The following TNNI3K variants were observed in gnomAD, a reference collection of about 807,000 sequenced individuals.
TNNI3K encodes the protein serine/threonine-protein kinase TNNI3K.
Under a neutral mutation model 114.5 loss-of-function variants are expected in TNNI3K, and 140 were observed. That is an observed-to-expected ratio of 1.22 (90% CI 1.07 to 1.41). The LOEUF (loss-of-function observed/expected upper bound fraction) is 1.41. Ranked by LOEUF, TNNI3K falls within the 40% of genes most tolerant of loss-of-function variation. The pLI, the probability that TNNI3K is intolerant of heterozygous loss-of-function variation, is 0.00. For missense variants in TNNI3K, 1,125 were observed against 1,007.6 expected (o/e 1.12, Z -1.58); for synonymous variants, 347 against 347.5 (o/e 1.00, Z 0.02).
chr1:74,499,663 A>G (rs745830209), intron 23 of TNNI3K, among the ~76,000 whole-genome samples: 1 of 152,088 alleles, frequency 6.6e-6, no homozygotes, highest in African/African-American at 2.4e-5. Flanking sequence ...TACAATTTTT[A>G]TACTCAGCTT....
intron 5 of TNNI3K, among the ~76,000 whole-genome samples, chr1:74,287,677 G>T (rs1304267294): frequency 2.0e-5 from 3 of 152,092 alleles, no homozygotes; most frequent in East Asian, 1.9e-4. Context: ...TTTGGGCAAT[G>T]ATTTCTTGGC....
intron 5 of TNNI3K, among the ~76,000 whole-genome samples, chr1:74,295,415 G>A (rs968820089): frequency 1.3e-5 from 2 of 151,880 alleles, no homozygotes; most frequent in African/African-American, 2.4e-5. Flanking sequence ...ACTGTTTTAC[G>A]CATTTGTTCT....
At chr1:74,516,964 T>G (rs1026973693) in intron 23 of TNNI3K, among the ~76,000 whole-genome samples, 1 of 152,160 alleles carries the variant, frequency 6.6e-6, no homozygotes, top group African/African-American at 2.4e-5. Context: ...AAAAGAAATA[T>G]TTACAGTCAT....
At chr1:74,299,031 C>T (rs1426608520) in intron 5 of TNNI3K, among the ~76,000 whole-genome samples, 1 of 152,054 alleles carries the variant, frequency 6.6e-6, no homozygotes, top group Non-Finnish European at 1.5e-5. Flanking sequence ...CTACATCACT[C>T]ATTTTAAATT....
In TNNI3K at chr1:74,316,519, T is replaced by C. The variant is rs78310796; in HGVS notation, c.445-14931T>C. On this transcript the variant is annotated intron_variant, in intron 5 of 24. Transcript: ENST00000326637. ...CCTGCCTTGGGACCTTTGACCTGCT[T>C]TTCTCTACCCGGACTTTTCTTCTTT... is the stretch of plus-strand genomic sequence containing the variant. 6.6e-5 allele frequency among the ~76,000 whole-genome samples: 10 copies of C among 152,232 alleles called. No individual in the cohort carries two copies. In the East Asian group the frequency reaches 1.9e-3, roughly 29 times the overall value.
intron 21 of TNNI3K, among the ~76,000 whole-genome samples, chr1:74,464,206 C>G (rs769716739): frequency 1.3e-5 from 2 of 152,192 alleles, no homozygotes; most frequent in African/African-American, 4.8e-5. Context: ...AGTGTGCAGA[C>G]GGGTTATGTC....
intron 5 of TNNI3K, among the ~76,000 whole-genome samples, chr1:74,314,846 T>C (rs1053705962): frequency 6.6e-6 from 1 of 152,200 alleles, no homozygotes; most frequent in African/African-American, 2.4e-5. Flanking sequence ...AAACTATAGT[T>C]TACATTTTGC....
In TNNI3K at chr1:74,343,310, G is replaced by A; in HGVS notation, c.932+131G>A. 3 of 982,766 alleles carry A rather than the reference G, an allele frequency of 3.1e-6. No homozygotes were observed. The South Asian group carries it at 4.5e-5, about 15-fold the overall frequency. 60.9% of individuals were successfully genotyped at this position (982,766 alleles called of 1,614,324 possible). On this transcript the variant is annotated intron_variant, in intron 9 of 24. Transcript: ENST00000326637. Reference sequence around the variant, plus strand: ...AGAGAGCAATAGCAGAGGTAGGGCAGAGGACAAAGAGCCAGAGCTAGATGC... The same window carrying A: ...AGAGAGCAATAGCAGAGGTAGGGCAAAGGACAAAGAGCCAGAGCTAGATGC...
chr1:74,253,632 C>G (rs890464614), intron 4 of TNNI3K, among the ~76,000 whole-genome samples: 11 of 152,098 alleles, frequency 7.2e-5, no homozygotes, highest in African/African-American at 2.4e-4. Context: ...GCCGGCCGCT[C>G]GGAGTGCGGG....
At chr1:74,372,622 C>T (rs1421465420) in intron 17 of TNNI3K, 1 of 151,696 alleles carries the variant, frequency 6.6e-6, no homozygotes, top group South Asian at 2.1e-4. Context: ...TAATATAAAC[C>T]GATGATTTTG....
At chr1:74,442,281 T>A (rs74754314) in intron 20 of TNNI3K, among the ~76,000 whole-genome samples, 4,277 of 152,158 alleles carry the variant, frequency 0.028, 185 homozygotes, top group African/African-American at 0.098. Flanking sequence ...TGACCATATA[T>A]GTATGCACTT....
chr1:74,280,224 T>C (rs1656925737), intron 5 of TNNI3K, among the ~76,000 whole-genome samples: 1 of 151,756 alleles, frequency 6.6e-6, no homozygotes, highest in Non-Finnish European at 1.5e-5. Context: ...CTACTAAAAA[T>C]ACAAAAAATT....
Position 74,414,750 on chromosome 1 carries a change from T to C in TNNI3K, c.1773-21330T>C, listed in dbSNP as rs147476163. Among the ~76,000 whole-genome samples the C allele has an allele frequency of 1.7e-3, 260 of 152,326 alleles. 2 individuals carry two copies. The highest frequency in any genetic ancestry group is 5.8e-3 in the African/African-American group (243 of 41,592). On this transcript the variant is annotated intron_variant, in intron 17 of 24. Transcript: ENST00000326637. ...TTCTGTCAACTCTCTTGAATGTATGTGCAGAATTAGACTGTTTCTCACTAT... is the reference window on the plus strand; with the variant it reads ...TTCTGTCAACTCTCTTGAATGTATGCGCAGAATTAGACTGTTTCTCACTAT...
chr1:74,294,984 CT>C (rs141594221), intron 5 of TNNI3K, among the ~76,000 whole-genome samples: 3,241 of 151,398 alleles, frequency 0.021, 106 homozygotes, highest in African/African-American at 0.072. Context: ...TATTTTCATC[CT>C]TTTTTTATTG....
intron 21 of TNNI3K, among the ~76,000 whole-genome samples, chr1:74,464,175 G>A (rs1045892119): frequency 1.6e-4 from 24 of 152,180 alleles, no homozygotes; most frequent in African/African-American, 4.1e-4. Context: ...CAAACAATCC[G>A]CCTGCAAGAA....
At chr1:74,368,501 C>T (rs573078494) in intron 13 of TNNI3K, among the ~76,000 whole-genome samples, 19 of 151,874 alleles carry the variant, frequency 1.3e-4, no homozygotes, top group East Asian at 2.0e-4. Context: ...ATGATTCATA[C>T]GCTTATTTCC....
rs543146453 is a variant in TNNI3K, at chr1:74,458,099, G to A, written c.2012-5342G>A. Reference sequence around the variant, plus strand: ...TGATGATAATAGCAACAACAACGCAGCTACACTTGTTGAGAGCCAACAATG... The same window carrying A: ...TGATGATAATAGCAACAACAACGCAACTACACTTGTTGAGAGCCAACAATG... On this transcript the variant is annotated intron_variant, in intron 20 of 24. Transcript: ENST00000326637. 1.1e-4 allele frequency among the ~76,000 whole-genome samples: 16 copies of A among 152,224 alleles called. No homozygotes were observed. In the East Asian group the frequency reaches 3.1e-3, roughly 29 times the overall value.
At chr1:74,267,271 T>C (rs1418483077) in intron 4 of TNNI3K, among the ~76,000 whole-genome samples, 1 of 152,000 alleles carries the variant, frequency 6.6e-6, no homozygotes, top group Non-Finnish European at 1.5e-5. Context: ...AGGAGGTGTG[T>C]ACCATATTGC....
chr1:74,462,876 G>A (rs1185297146), intron 20 of TNNI3K, among the ~76,000 whole-genome samples: 2 of 152,280 alleles, frequency 1.3e-5, no homozygotes, highest in East Asian at 3.9e-4. Flanking sequence ...CTAAAATAAA[G>A]ATGTGAAGTG....
Sources: allele counts gnomAD v4.1 joint callset (sites outside exome capture counted in the v4.1 genomes callset), GRCh38; gene constraint gnomAD v4.1.1; transcripts MANE v1.5; gene names NCBI Gene and HGNC (gene_info 2026-07-23, HGNC 2026-07-21).